SLC2A13: variants seen among roughly 807,000 people sequenced by gnomAD.
SLC2A13 encodes proton myo-inositol cotransporter.
A neutral mutation model predicts 64.4 loss-of-function variants in SLC2A13; 32 were observed. That is an observed-to-expected ratio of 0.50 (90% CI 0.37 to 0.67). The LOEUF (loss-of-function observed/expected upper bound fraction) is 0.67, where lower values mean the gene tolerates loss of function less well. Ranked by LOEUF, SLC2A13 falls within the 30% of genes least tolerant of loss-of-function variation. The pLI, the probability that SLC2A13 is intolerant of heterozygous loss-of-function variation, is 0.00. For synonymous variants in SLC2A13, 338 were observed against 327.1 expected (o/e 1.03, Z -0.36); for missense variants, 743 against 829.2 (o/e 0.90, Z 1.28).
intron 1 of SLC2A13, among the ~76,000 whole-genome samples, chr12:40,073,630 TG>T (rs1209593090): frequency 6.6e-6 from 1 of 152,088 alleles, no homozygotes; most frequent in Non-Finnish European, 1.5e-5. Context: ...CCTTGTCTTT[TG>T]AAGGAAAAAT....
chr12:40,046,256 G>A (rs575119376), intron 2 of SLC2A13, among the ~76,000 whole-genome samples: 9 of 152,172 alleles, frequency 5.9e-5, no homozygotes, highest in African/African-American at 1.9e-4. Context: ...GTCTGTCTAT[G>A]ATGTCTCCTT....
intron 7 of SLC2A13, among the ~76,000 whole-genome samples, chr12:39,792,888 A>G (rs1255175350): frequency 6.6e-6 from 1 of 151,968 alleles, no homozygotes; most frequent in African/African-American, 2.4e-5. Flanking sequence ...ATTTCTATCA[A>G]TGTGGGGCTT....
At chr12:40,028,252 A>G in intron 3 of SLC2A13, 49 bp downstream of exon 3, 1 of 1,374,172 alleles carries the variant, frequency 7.3e-7, no homozygotes, top group Non-Finnish European at 1.0e-6. Flanking sequence ...AATGACAAAT[A>G]AGACCACTGT....
intron 9 of SLC2A13, among the ~76,000 whole-genome samples, chr12:39,761,752 T>C (rs1185829099): frequency 6.6e-6 from 1 of 152,000 alleles, no homozygotes; most frequent in Non-Finnish European, 1.5e-5. Flanking sequence ...GTAATTATGA[T>C]GAAGATAAAG....
Position 40,105,440 on chromosome 12 carries a change from C to T in SLC2A13, c.369G>A (p.Leu123=), listed in dbSNP as rs771790279. The change falls in exon 1 of 10, where the codon CTG becomes CTA. Residue 123 remains leucine (L), a synonymous_variant. Coordinates refer to ENST00000280871, the MANE Select transcript of SLC2A13 (RefSeq NM_052885.4). This position sits in a 1 kb window ranked among gnomAD's most constrained non-coding sequence, Gnocchi z 4.2. The part of the protein sequence containing the change: ...LSLDALWQEL[L]VSSTVGAAAV... ...CAGCCGCCCCCACCGTGCTGGACACCAGCAGCTCCTGCCACAGCGCGTCCA... is the reference window on the plus strand; with the variant it reads ...CAGCCGCCCCCACCGTGCTGGACACTAGCAGCTCCTGCCACAGCGCGTCCA... The T allele has an allele frequency of 1.2e-5, 18 of 1,555,172 alleles. 1 individual carries two copies. In the Middle Eastern group the frequency reaches 5.2e-4, roughly 45 times the overall value.
intron 3 of SLC2A13, among the ~76,000 whole-genome samples, chr12:39,980,688 C>G (rs1946875495): frequency 6.6e-6 from 1 of 151,474 alleles, no homozygotes; most frequent in African/African-American, 2.4e-5. Context: ...TCCTGAGTGA[C>G]CTACAAAGAG....
chr12:39,762,396 A>G (rs1940188662), intron 9 of SLC2A13, among the ~76,000 whole-genome samples: 1 of 117,220 alleles, frequency 8.5e-6, no homozygotes, highest in South Asian at 3.6e-4. Flanking sequence ...ACAACTATTT[A>G]ATTGAATTAC....
chr12:39,901,255 CA>C (rs1218291684), intron 4 of SLC2A13, among the ~76,000 whole-genome samples: 2 of 152,174 alleles, frequency 1.3e-5, no homozygotes, highest in African/African-American at 4.8e-5. Flanking sequence ...AAAACCTAGG[CA>C]ATACCATTCA....
intron 4 of SLC2A13, among the ~76,000 whole-genome samples, chr12:39,897,631 C>T (rs551049245): frequency 1.3e-5 from 2 of 152,242 alleles, no homozygotes; most frequent in Non-Finnish European, 2.9e-5. Flanking sequence ...AGAAATATGG[C>T]TAGCATACTG....
Position 39,758,957 on chromosome 12 carries a change from A to G in SLC2A13, c.*1069T>C, listed in dbSNP as rs1333646007. The G allele has an allele frequency of 1.3e-5, 2 of 152,374 alleles. No individual in the cohort carries two copies. The highest frequency in any genetic ancestry group is 2.9e-5 in the Non-Finnish European group (2 of 67,914). The allele number at this position is 152,374 out of a possible 1,614,324, so 9.4% of individuals were successfully genotyped here. ...TTAAGAAAAAAGTCCCATTATTTTT[A>G]TTAAACAAACACCAATAACAGCAGG... On this transcript the variant is annotated 3_prime_UTR_variant, in exon 10 of 10. Transcript: ENST00000280871.
intron 3 of SLC2A13, among the ~76,000 whole-genome samples, chr12:40,008,550 G>A (rs967636264): frequency 2.0e-5 from 3 of 151,658 alleles, no homozygotes; most frequent in South Asian, 2.1e-4. Context: ...GGCGGAGCTC[G>A]CTGTGAGCAG....
chr12:39,872,586 T>C (rs563700571), intron 4 of SLC2A13, among the ~76,000 whole-genome samples: 8 of 152,362 alleles, frequency 5.3e-5, no homozygotes, highest in African/African-American at 1.4e-4. Context: ...CTCTGTAGAC[T>C]CATTTCGTGC....
chr12:39,771,824 C>CCTACCT (rs1940589192), intron 7 of SLC2A13, among the ~76,000 whole-genome samples: 1 of 152,142 alleles, frequency 6.6e-6, no homozygotes, highest in Admixed American at 6.5e-5. Flanking sequence ...AATGTGGCTG[C>CCTACCT]AGCCTACCTT....
intron 4 of SLC2A13, among the ~76,000 whole-genome samples, chr12:39,889,529 CTTTTTTTT>C (rs56189217): frequency 8.3e-6 from 1 of 119,866 alleles, no homozygotes. Flanking sequence ...GGTAAACAAC[CTTTTTTTT>C]TTTTTTTTTT....
At chr12:39,911,248 T>TA (rs978803284) in intron 4 of SLC2A13, among the ~76,000 whole-genome samples, 8 of 151,924 alleles carry the variant, frequency 5.3e-5, no homozygotes, top group East Asian at 3.9e-4. Context: ...ATATTTATCT[T>TA]AAAAAAAATG....
intron 1 of SLC2A13, among the ~76,000 whole-genome samples, chr12:40,100,969 C>A (rs116418578): frequency 3.8e-3 from 321 of 84,658 alleles, no homozygotes; most frequent in East Asian, 4.5e-3. Flanking sequence ...CCATCTCAGA[C>A]AAAAAAAAAA....
At chr12:39,835,899 C>A (rs1170665983) in intron 6 of SLC2A13, 1 of 152,006 alleles carries the variant, frequency 6.6e-6, no homozygotes, top group Non-Finnish European at 1.5e-5. Flanking sequence ...GAAGGCAAAA[C>A]CAATTGTCAA....
chr12:39,885,160 A>G (rs1459162026), intron 4 of SLC2A13, among the ~76,000 whole-genome samples: 2 of 152,224 alleles, frequency 1.3e-5, no homozygotes, highest in Non-Finnish European at 1.5e-5. Context: ...AGGCAAAAGA[A>G]CTGAGTGGGG....
chr12:40,013,496 G>T (rs1947567862), intron 3 of SLC2A13, among the ~76,000 whole-genome samples: 1 of 152,150 alleles, frequency 6.6e-6, no homozygotes. Context: ...GCCTAAAGTT[G>T]CACAGCTGCA....
Sources: allele counts gnomAD v4.1 joint callset (sites outside exome capture counted in the v4.1 genomes callset), GRCh38; gene constraint gnomAD v4.1.1; non-coding constraint Gnocchi (gnomAD v3.1); transcripts MANE v1.5; gene names NCBI Gene and HGNC (gene_info 2026-07-23, HGNC 2026-07-21).